The following DLG3 variants were observed in gnomAD, a reference collection of about 807,000 sequenced individuals.
The protein encoded by DLG3 is disks large homolog 3.
DLG3 carries 1 observed loss-of-function variant against 64.1 expected under a neutral mutation model. The observed-to-expected ratio is 0.02, with a 90% CI of 0.01 to 0.07. The LOEUF is 0.07. Among genes scored for constraint, DLG3 ranks in the 10% least tolerant of loss-of-function variants. The pLI is 1.00. For missense variants in DLG3, 429 were observed against 669.5 expected, an observed-to-expected ratio of 0.64 and a Z score of 3.96; for synonymous variants, 245 against 259.8, an observed-to-expected ratio of 0.94 and a Z score of 0.55.
intron 17 of DLG3, 50 bp downstream of exon 17, chrX:70,500,630 G>C: frequency 1.0e-6 from 1 of 992,946 alleles, no homozygotes; most frequent in East Asian, 3.0e-5. Flanking sequence ...ATCGGGTCTG[G>C]AAGGGAAATG....
At chrX:70,497,895 G>A (rs1171680557) in intron 13 of DLG3, among the ~76,000 whole-genome samples, 2 of 111,893 alleles carry the variant, frequency 1.8e-5, no homozygotes, top group South Asian at 3.8e-4. Context: ...ACCCAGCACC[G>A]AGTGGCTTGA....
chrX:70,477,371 G>A (rs1469263121), intron 9 of DLG3, among the ~76,000 whole-genome samples: 3 of 112,064 alleles, frequency 2.7e-5, no homozygotes, highest in Non-Finnish European at 3.8e-5. Context: ...GCCCATAGCC[G>A]GTGAGCTCAG....
intron 4 of DLG3, 43 bp downstream of exon 4, chrX:70,449,902 C>A (rs2086601189): frequency 1.7e-6 from 2 of 1,153,109 alleles, no homozygotes; most frequent in Middle Eastern, 2.3e-4. Context: ...GAGCCTTAGG[C>A]CCCAGATCCC....
chrX:70,498,786 T>A (rs1187873049), intron 14 of DLG3, among the ~76,000 whole-genome samples: 1 of 111,829 alleles, frequency 8.9e-6, no homozygotes, highest in Non-Finnish European at 1.9e-5. Flanking sequence ...TGCCTTTGCC[T>A]GCTGCCAGGA....
chrX:70,466,249 G>T (rs1480313523), intron 9 of DLG3, among the ~76,000 whole-genome samples: 1 of 24,899 alleles, frequency 4.0e-5, no homozygotes, highest in Non-Finnish European at 7.7e-5. Context: ...TTGGTCATTT[G>T]TGTGTGTGTG....
chrX:70,477,524 G>A (rs761032623), intron 9 of DLG3, among the ~76,000 whole-genome samples: 1 of 111,535 alleles, frequency 9.0e-6, no homozygotes, highest in African/African-American at 3.3e-5. Context: ...GCTTAGGTTG[G>A]GGCACCTCAT....
At chrX:70,454,425 C>T in intron 9 of DLG3, 109 bp downstream of exon 9, 2 of 649,489 alleles carry the variant, frequency 3.1e-6, no homozygotes, top group South Asian at 4.9e-5. Flanking sequence ...GTCCCTTCTA[C>T]CTAGAGCAGT....
At position 70,467,739 on chromosome X, in the gene DLG3, AC is replaced by A. The variant is rs774626746; in HGVS notation, c.1406-11408del. Among the ~76,000 whole-genome samples, 5 of 112,304 alleles carry A rather than the reference AC, an allele frequency of 4.5e-5. No individual in the cohort carries two copies. In the Admixed American group the frequency reaches 4.7e-4, roughly 11 times the overall value. On this transcript the variant is annotated intron_variant, in intron 9 of 18. Coordinates refer to ENST00000374360, the MANE Select transcript of DLG3 (RefSeq NM_021120.4). ...GGAAAAGATTCTTCTTATCAAGTGT[AC>A]CCACCACCTGGAGAACAGGGAAAAG...
intron 9 of DLG3, among the ~76,000 whole-genome samples, chrX:70,467,789 T>G (rs1198795585): frequency 8.9e-6 from 1 of 112,279 alleles, no homozygotes; most frequent in Admixed American, 9.5e-5. Flanking sequence ...TTTATTCTCA[T>G]GTTTTTTGGA....
chrX:70,499,345 T>C, intron 15 of DLG3, 68 bp downstream of exon 15: 1 of 843,423 alleles, frequency 1.2e-6, no homozygotes, highest in South Asian at 2.1e-5. Flanking sequence ...TAATGTTTTA[T>C]GGAAAAGGTC....
chrX:70,445,406 C>A lies in DLG3; in HGVS notation c.205C>A (p.Pro69Thr). The A allele has an allele frequency of 8.4e-7, 1 of 1,187,466 alleles. No homozygotes were observed. The highest frequency in any genetic ancestry group is 1.1e-6 in the Non-Finnish European group (1 of 883,456). Residue 69 changes from proline (P) to threonine (T), a missense_variant, in exon 1 of 19, where the codon CCT becomes ACT. Transcript: ENST00000374360. Reference sequence around the variant, plus strand: ...CTCGCAGGCGGGGGCCACCCCCACCCCTCGCACCAAGGCCAAGCTCATCCC... The same window carrying A: ...CTCGCAGGCGGGGGCCACCCCCACCACTCGCACCAAGGCCAAGCTCATCCC... ...LPSQAGATPT[P>T]RTKAKLIPTG...
intron 10 of DLG3, among the ~76,000 whole-genome samples, chrX:70,491,035 C>G (rs1371605070): frequency 3.6e-5 from 4 of 110,527 alleles, no homozygotes. Flanking sequence ...GCCTCAGCCT[C>G]CCGAGTAGCT....
rs894299875 is a variant in DLG3 at position 70,445,571 on chromosome X, G to A, written c.357+13G>A. On this transcript the variant is annotated intron_variant, in intron 1 of 18. Transcript: ENST00000374360. ...CTGGTATGAGCAGGTATGGACCAGC[G>A]GAGGGGGGAGCGGTGGGGCAACCCA... 6.8e-5 allele frequency: 79 copies of A among 1,169,654 alleles called. No individual in the cohort carries two copies. Among genetic ancestry groups the A allele is most frequent in the Non-Finnish European group, 8.8e-5 (77 of 872,876 alleles).
intron 13 of DLG3, chrX:70,497,037 G>C: frequency 1.7e-6 from 1 of 581,685 alleles, no homozygotes; most frequent in East Asian, 3.5e-5. Context: ...CCTCCCAGTT[G>C]GTAGCCTGGA....
intron 9 of DLG3, among the ~76,000 whole-genome samples, chrX:70,454,942 G>A (rs2086676119): frequency 8.8e-6 from 1 of 113,107 alleles, no homozygotes; most frequent in Non-Finnish European, 1.9e-5. Flanking sequence ...TGATTGGCTG[G>A]GGCCAACCGA....
intron 10 of DLG3, among the ~76,000 whole-genome samples, chrX:70,480,737 C>T (rs746610803): frequency 3.6e-5 from 4 of 112,254 alleles, no homozygotes; most frequent in South Asian, 7.5e-4. Context: ...TTCCAGCCCC[C>T]GCAGATGTGG....
intron 9 of DLG3, among the ~76,000 whole-genome samples, chrX:70,455,549 C>G (rs776424610): frequency 1.3e-4 from 14 of 109,526 alleles, no homozygotes; most frequent in Non-Finnish European, 2.5e-4. Flanking sequence ...ACCCCAGGGC[C>G]TCTGTCCTGC....
At chrX:70,471,929 A>G (rs1296265090) in intron 9 of DLG3, among the ~76,000 whole-genome samples, 2 of 111,125 alleles carry the variant, frequency 1.8e-5, no homozygotes, top group African/African-American at 6.5e-5. Context: ...TCTGTCTTAC[A>G]CTCCCAGAAT....
chrX:70,471,322 A>G (rs1329719047), intron 9 of DLG3, among the ~76,000 whole-genome samples: 1 of 110,232 alleles, frequency 9.1e-6, no homozygotes, highest in Non-Finnish European at 1.9e-5. Context: ...TAGCCTGGAG[A>G]AGACATAACT....
Sources: allele counts gnomAD v4.1 joint callset (sites outside exome capture counted in the v4.1 genomes callset), GRCh38; gene constraint gnomAD v4.1.1; transcripts MANE v1.5; gene names NCBI Gene and HGNC (gene_info 2026-07-23, HGNC 2026-07-21).